CDK19: variants seen among roughly 807,000 people sequenced by gnomAD.
CDK19 encodes the protein cyclin dependent kinase 19, also known as cyclin-dependent kinase 19.
A neutral mutation model predicts 68.3 loss-of-function variants in CDK19; 20 were observed. The ratio of observed to expected loss-of-function variants is 0.29; its 90% CI spans 0.21 to 0.43. The LOEUF (loss-of-function observed/expected upper bound fraction) is 0.43, where lower values mean the gene tolerates loss of function less well. Ranked by LOEUF, CDK19 falls within the 20% of genes least tolerant of loss-of-function variation. The probability of loss-of-function intolerance (pLI) is 1.00; values close to 1 mark genes in which losing one functional copy is unlikely to be tolerated. For missense variants in CDK19, 339 were observed against 623.5 expected (o/e 0.54, Z 4.86); for synonymous variants, 221 against 222.8 (o/e 0.99, Z 0.07).
At chr6:110,809,050 CAA>C (rs760361150) in intron 1 of CDK19, among the ~76,000 whole-genome samples, 15 of 121,766 alleles carry the variant, frequency 1.2e-4, no homozygotes, top group East Asian at 2.3e-4. Flanking sequence ...ACTAAAAATA[CAA>C]AAAAAAAAAA....
rs1778108805 is a variant in CDK19 at position 110,613,081 on chromosome 6, A to C, written c.*1454T>G. On this transcript the variant is annotated 3_prime_UTR_variant, in exon 13 of 13. Transcript: ENST00000368911. ...GGTGCTGCTAGTAGCATTCAGAAGA[A>C]CACAAATTTCTTGCCCCTTACATTA... The C allele has an allele frequency of 6.6e-6, 1 of 152,642 alleles. No homozygotes were observed. Among genetic ancestry groups the C allele is most frequent in the South Asian group, 2.1e-4 (1 of 4,832 alleles). The allele number at this position is 152,642 out of a possible 1,614,324, so 9.5% of individuals were successfully genotyped here.
chr6:110,780,631 A>G (rs1476437904), intron 1 of CDK19, among the ~76,000 whole-genome samples: 1 of 152,138 alleles, frequency 6.6e-6, no homozygotes, highest in Non-Finnish European at 1.5e-5. Context: ...AAGAGAAGGC[A>G]ATGGAGAACA....
chr6:110,666,145 G>A (rs1041774151), intron 4 of CDK19, among the ~76,000 whole-genome samples: 12 of 150,830 alleles, frequency 8.0e-5, no homozygotes, highest in African/African-American at 2.9e-4. Context: ...GCTGGGCACG[G>A]TGGCTCACAC....
intron 2 of CDK19, among the ~76,000 whole-genome samples, chr6:110,701,648 A>G (rs1221797804): frequency 1.3e-5 from 2 of 151,920 alleles, no homozygotes; most frequent in Admixed American, 1.3e-4. Flanking sequence ...TAAAATAGTC[A>G]AAAATTATCT....
At chr6:110,684,863 G>T (rs1772319950) in intron 2 of CDK19, among the ~76,000 whole-genome samples, 1 of 152,166 alleles carries the variant, frequency 6.6e-6, no homozygotes, top group South Asian at 2.1e-4. Context: ...CATCAGCCAG[G>T]CACAGTGGCT....
chr6:110,679,118 G>C (rs1177811965), intron 2 of CDK19, among the ~76,000 whole-genome samples: 1 of 151,974 alleles, frequency 6.6e-6, no homozygotes, highest in East Asian at 1.9e-4. Context: ...AGACTAGTCT[G>C]GTCACACAGC....
Position 110,815,338 on chromosome 6 carries a change from T to A in CDK19, c.-202A>T. The A allele has an allele frequency of 2.7e-6, 1 of 369,298 alleles. No individual in the cohort carries two copies. The highest frequency in any genetic ancestry group is 4.6e-6 in the Non-Finnish European group (1 of 215,242). 22.9% of individuals were successfully genotyped at this position (369,298 alleles called of 1,614,324 possible). ...CACAGCAGCCACCTCCTCCACCTCT[T>A]CCTCCTCCTCCTCCGCGACGGCGGC... On this transcript the variant is annotated 5_prime_UTR_variant, in exon 1 of 13. Coordinates refer to ENST00000368911, the MANE Select transcript of CDK19 (RefSeq NM_015076.5).
intron 4 of CDK19, among the ~76,000 whole-genome samples, chr6:110,648,209 C>A (rs1310542407): frequency 6.6e-6 from 1 of 152,024 alleles, no homozygotes; most frequent in Non-Finnish European, 1.5e-5. Flanking sequence ...AAACCCGGTA[C>A]TATAAAACAA....
chr6:110,791,843 G>A (rs145467687), intron 1 of CDK19, among the ~76,000 whole-genome samples: 61 of 151,906 alleles, frequency 4.0e-4, no homozygotes, highest in African/African-American at 1.3e-3. Context: ...ATAGGGTCTC[G>A]CTATGTTGTC....
chr6:110,617,662 T>TATACACACACACAC (rs755618032), intron 12 of CDK19, among the ~76,000 whole-genome samples: 133 of 107,146 alleles, frequency 1.2e-3, no homozygotes, highest in Admixed American at 1.7e-3. Context: ...TATATATATA[T>TATACACACACACAC]ACACACACAC....
At chr6:110,736,608 G>A (rs1777271607) in intron 2 of CDK19, among the ~76,000 whole-genome samples, 1 of 151,850 alleles carries the variant, frequency 6.6e-6, no homozygotes, top group South Asian at 2.1e-4. Flanking sequence ...TTATAGTTTG[G>A]TATCTTCTAT....
intron 1 of CDK19, chr6:110,773,816 G>T (rs1780207965): frequency 6.6e-6 from 1 of 152,060 alleles, no homozygotes; most frequent in South Asian, 2.1e-4. Context: ...GCTCTCACCT[G>T]TCACATACCC....
intron 1 of CDK19, among the ~76,000 whole-genome samples, chr6:110,758,669 T>C (rs1026531240): frequency 1.3e-5 from 2 of 152,094 alleles, no homozygotes; most frequent in Non-Finnish European, 2.9e-5. Context: ...AAGATAAAAA[T>C]ATATATATTC....
chr6:110,738,294 G>A (rs1469008838), intron 2 of CDK19, among the ~76,000 whole-genome samples: 1 of 151,696 alleles, frequency 6.6e-6, no homozygotes, highest in Admixed American at 6.6e-5. Flanking sequence ...CAGATCACTT[G>A]AGGTCAGGAG....
chr6:110,619,708 T>C (rs767564271), intron 12 of CDK19, among the ~76,000 whole-genome samples: 5 of 151,972 alleles, frequency 3.3e-5, no homozygotes, highest in Admixed American at 6.6e-5. Flanking sequence ...GGATGTTTCC[T>C]CTTGGTAACT....
At chr6:110,692,932 C>G (rs2691196) in intron 2 of CDK19, among the ~76,000 whole-genome samples, 51,803 of 151,870 alleles carry the variant, frequency 0.34, 10,318 homozygotes, top group East Asian at 0.68. Flanking sequence ...GGGAGAAGGA[C>G]GTTGCAATGA....
At chr6:110,733,200 C>A (rs1273031230) in intron 2 of CDK19, among the ~76,000 whole-genome samples, 1 of 152,096 alleles carries the variant, frequency 6.6e-6, no homozygotes, top group Non-Finnish European at 1.5e-5. Context: ...TAAAACCATA[C>A]CCATATGTGT....
At chr6:110,666,424 CAAAAAA>C (rs57791161) in intron 4 of CDK19, among the ~76,000 whole-genome samples, 137 of 47,920 alleles carry the variant, frequency 2.9e-3, no homozygotes, top group African/African-American at 8.5e-3. Context: ...GACTCTGTCT[CAAAAAA>C]AAAAAAAAAA....
At chr6:110,648,240 G>A (rs1030879116) in intron 4 of CDK19, among the ~76,000 whole-genome samples, 1 of 152,174 alleles carries the variant, frequency 6.6e-6, no homozygotes, top group Non-Finnish European at 1.5e-5. Flanking sequence ...TATATAGATT[G>A]AAGGGCAGAA....
Sources: gnomAD v4.1 joint callset for allele counts (sites outside exome capture counted in the v4.1 genomes callset) on GRCh38, gnomAD v4.1.1 for gene constraint, MANE v1.5 for transcripts, NCBI Gene and HGNC (gene_info 2026-07-23, HGNC 2026-07-21) for gene names.